The following SLAMF8 variants were observed in gnomAD, a reference collection of about 807,000 sequenced individuals.
SLAMF8 encodes the protein SLAM family member 8.
Under a neutral mutation model 29.0 loss-of-function variants are expected in SLAMF8, and 23 were observed. The observed-to-expected ratio is 0.79, with a 90% confidence interval of 0.57 to 1.13. The LOEUF (loss-of-function observed/expected upper bound fraction) is 1.13, where lower values mean the gene tolerates loss of function less well. Among genes scored for constraint, SLAMF8 ranks in the 50% most tolerant of loss-of-function variants. SLAMF8 has a pLI of 0.00. For missense variants in SLAMF8, 381 were observed against 353.1 expected (o/e 1.08, Z -0.63); for synonymous variants, 139 against 145.6 (o/e 0.96, Z 0.32).
rs927877637 is a variant in SLAMF8 at position 159,835,949 on chromosome 1, A to C, written c.*689A>C. ...ATGGTTGAGATGGGCACCGTTTTGCAGGAAACACCATATTAATAGACATCC... is the reference window on the plus strand; with the variant it reads ...ATGGTTGAGATGGGCACCGTTTTGCCGGAAACACCATATTAATAGACATCC... On this transcript the variant is annotated 3_prime_UTR_variant, in exon 5 of 5. Coordinates refer to ENST00000289707, the MANE Select transcript of SLAMF8 (RefSeq NM_020125.3). 4.1e-6 allele frequency: 4 copies of C among 985,330 alleles called. No individual in the cohort carries two copies. Among genetic ancestry groups the C allele is most frequent in the Non-Finnish European group, 4.8e-6 (4 of 829,952 alleles). 61.0% of individuals were successfully genotyped at this position (985,330 alleles called of 1,614,324 possible).
chr1:159,831,659 A>G (rs1044395057), intron 2 of SLAMF8, among the ~76,000 whole-genome samples: 1 of 152,250 alleles, frequency 6.6e-6, no homozygotes, highest in African/African-American at 2.4e-5. Context: ...CAGCAGCTGA[A>G]TTACAGATTT....
intron 1 of SLAMF8, among the ~76,000 whole-genome samples, chr1:159,829,634 C>T (rs1647322492): frequency 6.6e-6 from 1 of 152,186 alleles, no homozygotes; most frequent in Admixed American, 6.5e-5. Flanking sequence ...TAACAGAATT[C>T]ATTTTTATTG....
Position 159,829,819 on chromosome 1 carries a change from T to C in SLAMF8, c.41-47T>C, listed in dbSNP as rs764969289. The stretch of plus-strand genomic sequence containing the variant: ...CAGCTCAGATGCATGCAAAGAAGGA[T>C]GAGGAGTGTGGGGCAGGCAGAGTGA... On this transcript the variant is annotated intron_variant, in intron 1 of 4. Coordinates refer to ENST00000289707, the MANE Select transcript of SLAMF8 (RefSeq NM_020125.3). 2.4e-5 allele frequency: 37 copies of C among 1,545,474 alleles called. No individual in the cohort carries two copies. In the South Asian group the frequency reaches 3.8e-4, roughly 16 times the overall value.
At position 159,829,834 on chromosome 1, in the gene SLAMF8, A is replaced by G. The variant is rs1423052103; in HGVS notation, c.41-32A>G. The stretch of plus-strand genomic sequence containing the variant: ...CAAAGAAGGATGAGGAGTGTGGGGC[A>G]GGCAGAGTGACCAGGGGCTCTGTTC... On this transcript the variant is annotated intron_variant, in intron 1 of 4. Transcript: ENST00000289707. The G allele has an allele frequency of 1.9e-6, 3 of 1,565,420 alleles. No homozygotes were observed. In the East Asian group the frequency reaches 6.8e-5, roughly 35 times the overall value.
chr1:159,836,988 A>G lies in SLAMF8; in HGVS notation c.*1728A>G. The G allele has an allele frequency of 1.0e-6, 1 of 985,366 alleles. No homozygotes were observed. Among genetic ancestry groups the G allele is most frequent in the Non-Finnish European group, 1.2e-6 (1 of 829,934 alleles). 61.0% of individuals were successfully genotyped at this position (985,366 alleles called of 1,614,324 possible). On this transcript the variant is annotated 3_prime_UTR_variant, in exon 5 of 5. Coordinates refer to ENST00000289707, the MANE Select transcript of SLAMF8 (RefSeq NM_020125.3). ...AAACTGGCCTCAGTCCCTAAAAATG[A>G]TGTGGAAAGGAAAGCCCAGGATCTG...
chr1:159,833,734 A>G (rs960693398), intron 4 of SLAMF8, among the ~76,000 whole-genome samples: 4 of 152,120 alleles, frequency 2.6e-5, no homozygotes, highest in South Asian at 2.1e-4. Context: ...GATTGCCCCA[A>G]TACTCAGGCT....
chr1:159,836,509 T>A lies in SLAMF8; in HGVS notation c.*1249T>A. 3 of 985,484 alleles carry A rather than the reference T, an allele frequency of 3.0e-6. No individual in the cohort carries two copies. The highest frequency in any genetic ancestry group is 3.6e-6 in the Non-Finnish European group (3 of 829,948). The allele number at this position is 985,484 out of a possible 1,614,324, so 61.0% of individuals were successfully genotyped here. ...GTTCACAGTTTCTCTCACCCAGGTGTAACTGGATTTTTTCTGGGGCCTCAA... is the reference window on the plus strand; with the variant it reads ...GTTCACAGTTTCTCTCACCCAGGTGAAACTGGATTTTTTCTGGGGCCTCAA... On this transcript the variant is annotated 3_prime_UTR_variant, in exon 5 of 5. Coordinates refer to ENST00000289707, the MANE Select transcript of SLAMF8 (RefSeq NM_020125.3).
At chr1:159,827,032 G>T in intron 1 of SLAMF8, 94 bp downstream of exon 1, 2 of 1,497,446 alleles carry the variant, frequency 1.3e-6, no homozygotes, top group Non-Finnish European at 1.8e-6. Flanking sequence ...CCCTCGACCT[G>T]GGTGAGAACC....
At position 159,835,370 on chromosome 1, in the gene SLAMF8, T is replaced by G. The variant is rs542949577; in HGVS notation, c.*110T>G. The G allele has an allele frequency of 4.7e-5, 68 of 1,456,200 alleles. No homozygotes were observed. The highest frequency in any genetic ancestry group is 6.0e-5 in the Non-Finnish European group (66 of 1,105,012). 90.2% of individuals were successfully genotyped at this position (1,456,200 alleles called of 1,614,324 possible). ...ATCACCATGGTCCTCATATCTCCCATGGGAATCCTGTCCTGCCTCGAAGGA... is the reference window on the plus strand; with the variant it reads ...ATCACCATGGTCCTCATATCTCCCAGGGGAATCCTGTCCTGCCTCGAAGGA... On this transcript the variant is annotated 3_prime_UTR_variant, in exon 5 of 5. Transcript: ENST00000289707.
Position 159,826,913 on chromosome 1 carries a change from C to T in SLAMF8, c.15C>T (p.Pro5=), listed in dbSNP as rs1663656472. Residue 5 remains proline, a synonymous_variant, in exon 1 of 5, where the codon CCC becomes CCT. Coordinates refer to ENST00000289707, the MANE Select transcript of SLAMF8 (RefSeq NM_020125.3). ...TCCAGAGAAAGATGGTCATGAGGCC[C>T]CTGTGGAGTCTGCTTCTCTGGGAAG... MVMR[P]LWSLLLWEAL... is the part of the protein sequence containing the mutation. The T allele has an allele frequency of 6.2e-7, 1 of 1,614,086 alleles. No individual in the cohort carries two copies. The highest frequency in any genetic ancestry group is 1.1e-5 in the South Asian group (1 of 91,076).
Position 159,835,810 on chromosome 1 carries a change from G to A in SLAMF8, c.*550G>A. 2.0e-6 allele frequency: 2 copies of A among 985,586 alleles called. No individual in the cohort carries two copies. Among genetic ancestry groups the A allele is most frequent in the Non-Finnish European group, 2.4e-6 (2 of 830,046 alleles). 61.1% of individuals were successfully genotyped at this position (985,586 alleles called of 1,614,324 possible). ...AAAAGGTCTAGAAATAGGTGAAAGTGAGAGGTGGGGGACAGGGGTTTCTCT... is the reference window on the plus strand; with the variant it reads ...AAAAGGTCTAGAAATAGGTGAAAGTAAGAGGTGGGGGACAGGGGTTTCTCT... On this transcript the variant is annotated 3_prime_UTR_variant, in exon 5 of 5. Transcript: ENST00000289707.
rs757304979 is a variant in SLAMF8, at chr1:159,830,158, G to A, written c.333G>A (p.Gln111=). ...TGTTGATGGTGGACACAAGGGGCCA[G>A]CCCTGGACCCAGACCCTCCAGCTCA... ...FSVLMVDTRG[Q]PWTQTLQLKV... The change falls in exon 2 of 5, where the codon CAG becomes CAA. Residue 111 remains glutamine (Q), a synonymous_variant. Coordinates refer to ENST00000289707, the MANE Select transcript of SLAMF8 (RefSeq NM_020125.3). 1.2e-6 allele frequency: 2 copies of A among 1,611,268 alleles called. No individual in the cohort carries two copies. The highest frequency in any genetic ancestry group is 4.5e-5 in the East Asian group (2 of 44,804).
At chr1:159,832,268 A>G (rs1647540893) in intron 2 of SLAMF8, among the ~76,000 whole-genome samples, 1 of 152,210 alleles carries the variant, frequency 6.6e-6, no homozygotes, top group Non-Finnish European at 1.5e-5. Context: ...TATTTAATTA[A>G]TTATTCATAA....
intron 1 of SLAMF8, among the ~76,000 whole-genome samples, chr1:159,827,229 T>C (rs1182506901): frequency 1.3e-5 from 2 of 152,098 alleles, no homozygotes; most frequent in Admixed American, 1.3e-4. Context: ...GTGATACTGC[T>C]GGTTTGGAGA....
intron 1 of SLAMF8, among the ~76,000 whole-genome samples, chr1:159,827,876 C>T (rs576668460): frequency 2.0e-5 from 3 of 152,050 alleles, no homozygotes; most frequent in Admixed American, 6.5e-5. Flanking sequence ...GCTCTGTCAC[C>T]CAGGCTGGAA....
chr1:159,836,440 A>T lies in SLAMF8; in HGVS notation c.*1180A>T. ...GAGTATTGATCACTACTGGAAAAAC[A>T]CTTAAGGAGCTAAACTTACCTTCGG... On this transcript the variant is annotated 3_prime_UTR_variant, in exon 5 of 5. Coordinates refer to ENST00000289707, the MANE Select transcript of SLAMF8 (RefSeq NM_020125.3). 1.0e-6 allele frequency: 1 copy of T among 985,460 alleles called. No homozygotes were observed. Among genetic ancestry groups the T allele is most frequent in the Non-Finnish European group, 1.2e-6 (1 of 829,944 alleles). 61.0% of individuals were successfully genotyped at this position (985,460 alleles called of 1,614,324 possible).
intron 4 of SLAMF8, among the ~76,000 whole-genome samples, chr1:159,833,752 A>C (rs929189587): frequency 5.3e-5 from 8 of 152,054 alleles, no homozygotes; most frequent in Non-Finnish European, 7.4e-5. Context: ...GCTGATTAAC[A>C]TCCTTTCTTC....
chr1:159,828,610 C>T (rs1022583199), intron 1 of SLAMF8, among the ~76,000 whole-genome samples: 1 of 152,206 alleles, frequency 6.6e-6, no homozygotes, highest in South Asian at 2.1e-4. Context: ...CAGTGGTGGG[C>T]ACTGGAAGCA....
In SLAMF8 at chr1:159,832,937, C is replaced by A; in HGVS notation, c.429C>A (p.Ser143=). The change falls in exon 3 of 5, where the codon TCC becomes TCA. Residue 143 remains serine (S), a synonymous_variant. Transcript: ENST00000289707. ...FIAVERDAQP[S]KTCQVFLSCW... ...CTGTAGAAAGGGATGCTCAGCCCTCCAAGACCTGCCAGGTTTTCTTGTCCT... is the reference window on the plus strand; with the variant it reads ...CTGTAGAAAGGGATGCTCAGCCCTCAAAGACCTGCCAGGTTTTCTTGTCCT... 6.2e-7 allele frequency: 1 copy of A among 1,614,216 alleles called. No individual in the cohort carries two copies.
Sources: allele counts gnomAD v4.1 joint callset (sites outside exome capture counted in the v4.1 genomes callset), GRCh38; gene constraint gnomAD v4.1.1; transcripts MANE v1.5; gene names NCBI Gene and HGNC (gene_info 2026-07-23, HGNC 2026-07-21).